Variants in APOL2 observed in about 807,000 individuals in gnomAD.
The protein encoded by APOL2 is apolipoprotein L2.
APOL2 carries 8 observed loss-of-function variants against 7.1 expected under a neutral mutation model. The ratio of observed to expected loss-of-function variants is 1.12; its 90% CI spans 0.66 to 2.03. The LOEUF is 2.03. Ranked by LOEUF, APOL2 falls within the 30% of genes most tolerant of loss-of-function variation. The pLI is 0.00. For missense variants in APOL2, 471 were observed against 415.1 expected (o/e 1.13, Z -1.17); for synonymous variants, 177 against 159.9 (o/e 1.11, Z -0.81).
At chr22:36,234,735 C>T (rs560021961) in intron 1 of APOL2, among the ~76,000 whole-genome samples, 1 of 152,302 alleles carries the variant, frequency 6.6e-6, no homozygotes, top group East Asian at 1.9e-4. Context: ...GTGGATTTTG[C>T]ACCACTAATT....
chr22:36,233,172 G>A lies in APOL2; in HGVS notation c.-10C>T, dbSNP rs546379454. 1.9e-5 allele frequency: 31 copies of A among 1,614,086 alleles called. No homozygotes were observed. Among genetic ancestry groups the A allele is most frequent in the Middle Eastern group, 1.6e-4 (1 of 6,062 alleles). ...GCCTACCTGGGTTCATGGTGCCAGC[G>A]GCTGGGTTACCGAGGGGCTTTCCTT... On this transcript the variant is annotated 5_prime_UTR_variant, in exon 3 of 5. Transcript: ENST00000358502.
intron 4 of APOL2, among the ~76,000 whole-genome samples, chr22:36,229,182 C>T (rs1194548414): frequency 2.0e-5 from 3 of 152,206 alleles, no homozygotes; most frequent in Non-Finnish European, 4.4e-5. Context: ...CTCACCCCCA[C>T]CACTGGTGGT....
chr22:36,239,014 C>G (rs1766464012), intron 1 of APOL2: 2 of 666,124 alleles, frequency 3.0e-6, no homozygotes, highest in Non-Finnish European at 4.1e-6. Context: ...GCAGCAGCAC[C>G]CTGGGGCCAG....
At chr22:36,234,080 GGACCTTA>G (rs1367564946) in intron 1 of APOL2, among the ~76,000 whole-genome samples, 18 of 152,244 alleles carry the variant, frequency 1.2e-4, no homozygotes, top group African/African-American at 4.3e-4. Flanking sequence ...CCTAGCTGAT[GGACCTTA>G]GGGTGTTTCT....
In APOL2 at chr22:36,231,509, G is replaced by A; in HGVS notation, c.11-43C>T. ...AGGATAAGGTTGGAGGATAGTGTAG[G>A]GGAGCATAACAGCCATTGCACATTA... On this transcript the variant is annotated intron_variant, in intron 3 of 4. Transcript: ENST00000358502. 1.2e-6 allele frequency: 2 copies of A among 1,600,126 alleles called. 1 individual carries two copies. The highest frequency in any genetic ancestry group is 2.2e-5 in the South Asian group (2 of 90,370).
In APOL2 at chr22:36,227,588, G is replaced by T. The variant is rs1342802515; in HGVS notation, c.830C>A (p.Ala277Glu). The T allele has an allele frequency of 6.2e-7, 1 of 1,614,254 alleles. No individual in the cohort carries two copies. Among genetic ancestry groups the T allele is most frequent in the South Asian group, 1.1e-5 (1 of 91,088 alleles). ...CAGAAGCAAGATGCCTCCAGTGGCT[G>T]CACCCACGATCATGGTTCCTCTGCT... The part of the protein sequence containing the change: ...AMSRGTMIVG[A>E]ATGGILLLLD... Residue 277 changes from alanine to glutamate, a missense_variant, in exon 5 of 5, where the codon GCA (alanine) becomes GAA (glutamate). Ala to Glu is a moderately radical substitution (Grantham distance 107, BLOSUM62 -1). Coordinates refer to ENST00000358502, the MANE Select transcript of APOL2 (RefSeq NM_030882.4).
intron 2 of APOL2, 61 bp from the exon 3 acceptor site, chr22:36,233,302 C>A: frequency 6.2e-7 from 1 of 1,602,366 alleles, no homozygotes. Context: ...CAGAGGGAGG[C>A]TGGAGGGGCT....
intron 3 of APOL2, among the ~76,000 whole-genome samples, chr22:36,231,916 C>T (rs1382037152): frequency 2.6e-5 from 4 of 152,224 alleles, no homozygotes; most frequent in Non-Finnish European, 5.9e-5. Context: ...TCTTCTGAGT[C>T]CACCTGCACT....
chr22:36,239,030 G>C, intron 1 of APOL2: 1 of 797,892 alleles, frequency 1.3e-6, no homozygotes, highest in Middle Eastern at 5.0e-4. Flanking sequence ...GCCAGCCTGG[G>C]TGTGGCCCGG....
chr22:36,229,721 C>T (rs915179911), intron 4 of APOL2, among the ~76,000 whole-genome samples: 13 of 152,128 alleles, frequency 8.5e-5, no homozygotes, highest in Non-Finnish European at 1.8e-4. Flanking sequence ...GTAAGGGTGC[C>T]CTCAGACATT....
chr22:36,233,047 C>G, intron 3 of APOL2, 106 bp downstream of exon 3: 1 of 1,175,652 alleles, frequency 8.5e-7, no homozygotes, highest in Non-Finnish European at 1.3e-6. Flanking sequence ...GACTCATTGG[C>G]CTCCTAGTCC....
In APOL2 at chr22:36,228,017, C is replaced by T; in HGVS notation, c.401G>A (p.Gly134Asp). 2 of 1,614,248 alleles carry T rather than the reference C, an allele frequency of 1.2e-6. No homozygotes were observed. Among genetic ancestry groups the T allele is most frequent in the African/African-American group, 2.7e-5 (2 of 75,064 alleles). The change falls in exon 5 of 5, where the codon GGC (glycine) becomes GAC (aspartate). Residue 134 changes from glycine (G) to aspartate (D), a missense_variant. Gly to Asp is a moderately conservative substitution (Grantham distance 94). Transcript: ENST00000358502. ...TTCTGTGAAGGGTGCCAGACCCAGG[C>T]CGAGGAGGGTCAGGATGCCAGAGGT... is the stretch of plus-strand genomic sequence containing the variant. The part of the protein sequence containing the change: ...GTTSGILTLL[G>D]LGLAPFTEGI...
At chr22:36,237,493 A>T in intron 1 of APOL2, 1 of 654,676 alleles carries the variant, frequency 1.5e-6, no homozygotes, top group Non-Finnish European at 2.0e-6. Context: ...GCTGTAGCCT[A>T]GAGCCCCTGG....
At chr22:36,239,083 C>T in intron 1 of APOL2, 1 of 1,141,438 alleles carries the variant, frequency 8.8e-7, no homozygotes, top group Non-Finnish European at 1.1e-6. Flanking sequence ...CCCTCCTCCA[C>T]CTTCTTTGAT....
At chr22:36,239,146 G>A (rs1371542040) in intron 1 of APOL2, 4 of 1,214,754 alleles carry the variant, frequency 3.3e-6, no homozygotes, top group South Asian at 2.7e-5. Flanking sequence ...CTTTCTTCTG[G>A]GGTCAGCTGG....
In APOL2 at chr22:36,228,268, A is replaced by C. The variant is rs1435060369; in HGVS notation, c.150T>G (p.Asp50Glu). The change falls in exon 5 of 5, where the codon GAT becomes GAG. Residue 50 changes from aspartate to glutamate, a missense_variant. Transcript: ENST00000358502. ...GCTTGTTCAGAGCTTTACGGAGCTC[A>C]TCTGCCTCATCCCTGCACAAGGAAA... ...AAAELPRDEADELRKALNKLA... is the reference protein window; with the variant it reads ...AAAELPRDEAEELRKALNKLA... 2.5e-6 allele frequency: 4 copies of C among 1,613,474 alleles called. No individual in the cohort carries two copies. Among genetic ancestry groups the C allele is most frequent in the Non-Finnish European group, 2.5e-6 (3 of 1,179,696 alleles).
Position 36,230,003 on chromosome 22 carries a change from G to A in APOL2, c.137+1337C>T, listed in dbSNP as rs563468275. On this transcript the variant is annotated intron_variant, in intron 4 of 4. Transcript: ENST00000358502. ...CAGGTCTCACTCGCAGGTGTCACCA[G>A]CCTAACTGATGCCTTAGCAGTGACA... is the stretch of plus-strand genomic sequence containing the variant. 2.4e-3 allele frequency among the ~76,000 whole-genome samples: 362 copies of A among 152,356 alleles called. 2 individuals carry two copies. The highest frequency in any genetic ancestry group is 0.02 in the Middle Eastern group (6 of 294).
Position 36,230,213 on chromosome 22 carries a change from T to C in APOL2, c.137+1127A>G, listed in dbSNP as rs142642083. Among the ~76,000 whole-genome samples, 875 of 152,334 alleles carry C rather than the reference T, an allele frequency of 5.7e-3. 3 individuals are homozygous for C. Among genetic ancestry groups the C allele is most frequent in the African/African-American group, 0.019 (810 of 41,576 alleles). On this transcript the variant is annotated intron_variant, in intron 4 of 4. Transcript: ENST00000358502. ...TGAGTCTGCTCAGTACCCCTGAAAT[T>C]ACACAAATTGGCAGCAACTCATTCT...
chr22:36,238,707 C>T (rs766556235), intron 1 of APOL2, among the ~76,000 whole-genome samples: 6 of 152,194 alleles, frequency 3.9e-5, no homozygotes, highest in Admixed American at 6.5e-5. Flanking sequence ...TTCTGCAATG[C>T]GACCTTCTCA....
Sources: allele counts gnomAD v4.1 joint callset (sites outside exome capture counted in the v4.1 genomes callset), GRCh38; gene constraint gnomAD v4.1.1; transcripts MANE v1.5; gene names NCBI Gene and HGNC (gene_info 2026-07-23, HGNC 2026-07-21).